The following NR3C2 variants were observed in gnomAD, a reference collection of about 807,000 sequenced individuals.
NR3C2 encodes nuclear receptor subfamily 3 group C member 2.
In NR3C2, 15 loss-of-function variants were observed where a neutral mutation model predicts 86.4. The ratio of observed to expected loss-of-function variants is 0.17; its 90% CI spans 0.12 to 0.27. The LOEUF is 0.27. NR3C2 is among the 10% of genes least tolerant of loss of function. The pLI, the probability that NR3C2 is intolerant of heterozygous loss-of-function variation, is 1.00. For missense variants in NR3C2, 960 were observed against 1,195.6 expected, an observed-to-expected ratio of 0.80 and a Z score of 2.91; for synonymous variants, 458 against 450.5, an observed-to-expected ratio of 1.02 and a Z score of -0.21.
intron 2 of NR3C2, among the ~76,000 whole-genome samples, chr4:148,319,712 T>A (rs1743447189): frequency 6.6e-6 from 1 of 151,136 alleles, no homozygotes; most frequent in South Asian, 2.1e-4. Flanking sequence ...GCTTGTGATT[T>A]TTGTACATTG....
chr4:148,101,378 T>G (rs968040930), intron 8 of NR3C2, among the ~76,000 whole-genome samples: 3 of 152,270 alleles, frequency 2.0e-5, no homozygotes, highest in African/African-American at 7.2e-5. Context: ...TTGCATTAAG[T>G]CAGCCACGAA....
At position 148,154,349 on chromosome 4, in the gene NR3C2, C is replaced by A. The variant is rs62332227; in HGVS notation, c.2365+202G>T. On this transcript the variant is annotated intron_variant, in intron 5 of 8. Transcript: ENST00000358102. ...GTATCTGTCATTTTAACAATAAAAT[C>A]CTTAACCCTGCATTCTCGGAAGAAA... is the stretch of plus-strand genomic sequence containing the variant. Among the ~76,000 whole-genome samples, 5,875 of 152,282 alleles carry A rather than the reference C, an allele frequency of 0.039. 187 individuals carry two copies. The highest frequency in any genetic ancestry group is 0.054 in the Non-Finnish European group (3,701 of 68,018).
At chr4:148,368,624 C>T (rs75438730) in intron 2 of NR3C2, among the ~76,000 whole-genome samples, 148 of 152,116 alleles carry the variant, frequency 9.7e-4, no homozygotes, top group African/African-American at 3.4e-3. Context: ...TGGAACTTTA[C>T]ATCAATATAT....
intron 4 of NR3C2, among the ~76,000 whole-genome samples, chr4:148,172,135 G>T (rs1426769628): frequency 2.6e-5 from 4 of 151,354 alleles, no homozygotes; most frequent in South Asian, 2.1e-4. Context: ...TTGTCTCGGG[G>T]GCTTATTTGT....
chr4:148,139,918 T>C (rs1226200827), intron 6 of NR3C2, among the ~76,000 whole-genome samples: 1 of 152,226 alleles, frequency 6.6e-6, no homozygotes, highest in African/African-American at 2.4e-5. Flanking sequence ...ATCTCTCATG[T>C]GATACAATAA....
intron 4 of NR3C2, among the ~76,000 whole-genome samples, chr4:148,160,331 T>A (rs967120543): frequency 6.6e-6 from 1 of 152,178 alleles, no homozygotes. Context: ...AGATTTCTAA[T>A]GAGATCTCAA....
At chr4:148,334,085 A>G (rs2149972250) in intron 2 of NR3C2, among the ~76,000 whole-genome samples, 1 of 152,364 alleles carries the variant, frequency 6.6e-6, no homozygotes, top group South Asian at 2.1e-4. Context: ...ACCAGATGTC[A>G]TGAAGTACCG....
intron 1 of NR3C2, among the ~76,000 whole-genome samples, chr4:148,439,286 G>A (rs1006346923): frequency 1.3e-5 from 2 of 152,050 alleles, no homozygotes; most frequent in African/African-American, 4.8e-5. Flanking sequence ...TTACTATATA[G>A]CTAAGGTATA....
chr4:148,426,124 A>C (rs1749516816), intron 2 of NR3C2, among the ~76,000 whole-genome samples: 1 of 152,124 alleles, frequency 6.6e-6, no homozygotes, highest in Non-Finnish European at 1.5e-5. Context: ...CATCTCCTCC[A>C]TTTAACCACT....
intron 3 of NR3C2, among the ~76,000 whole-genome samples, chr4:148,217,647 C>G (rs1311239219): frequency 6.6e-6 from 1 of 152,142 alleles, no homozygotes; most frequent in Non-Finnish European, 1.5e-5. Context: ...TCTTTTGACC[C>G]CAGTTGATGT....
At chr4:148,390,725 A>T (rs575399970) in intron 2 of NR3C2, among the ~76,000 whole-genome samples, 14 of 152,328 alleles carry the variant, frequency 9.2e-5, no homozygotes, top group Admixed American at 8.5e-4. Flanking sequence ...TTAAATACAG[A>T]GGAAACCACT....
intron 2 of NR3C2, among the ~76,000 whole-genome samples, chr4:148,292,051 T>C (rs78970275): frequency 6.6e-6 from 1 of 152,248 alleles, no homozygotes; most frequent in Non-Finnish European, 1.5e-5. Context: ...TGTATATTAC[T>C]TTTGCACCAT....
At chr4:148,317,845 G>C (rs1291503988) in intron 2 of NR3C2, among the ~76,000 whole-genome samples, 2 of 150,928 alleles carry the variant, frequency 1.3e-5, no homozygotes, top group Non-Finnish European at 3.0e-5. Context: ...CTTAAATTTT[G>C]AATATGTGTT....
At chr4:148,104,621 A>C (rs1290690064) in intron 8 of NR3C2, among the ~76,000 whole-genome samples, 1 of 152,154 alleles carries the variant, frequency 6.6e-6, no homozygotes, top group Non-Finnish European at 1.5e-5. Flanking sequence ...TGGGTACTTT[A>C]TTACAGACAT....
At chr4:148,301,470 T>C (rs1742333369) in intron 2 of NR3C2, among the ~76,000 whole-genome samples, 1 of 152,234 alleles carries the variant, frequency 6.6e-6, no homozygotes, top group Non-Finnish European at 1.5e-5. Flanking sequence ...ATGGAAGGAT[T>C]GTAAACGTTA....
At chr4:148,086,580 A>G (rs892129036) in intron 8 of NR3C2, among the ~76,000 whole-genome samples, 11 of 152,114 alleles carry the variant, frequency 7.2e-5, no homozygotes, top group Non-Finnish European at 1.6e-4. Flanking sequence ...ACTTAAAAAA[A>G]TAAATAAATA....
intron 2 of NR3C2, among the ~76,000 whole-genome samples, chr4:148,305,202 T>C (rs1236304091): frequency 6.6e-6 from 1 of 152,202 alleles, no homozygotes; most frequent in Non-Finnish European, 1.5e-5. Context: ...ATTTTTCATC[T>C]AATAAATTCT....
chr4:148,443,909 C>A (rs1415282885), upstream of NR3C2: 3 of 801,882 alleles, frequency 3.7e-6, no homozygotes, highest in Non-Finnish European at 4.5e-6. Context: ...CAGTCAGGAA[C>A]TCCCTGGAGA....
chr4:148,324,234 G>A (rs1406183134), intron 2 of NR3C2, among the ~76,000 whole-genome samples: 2 of 152,122 alleles, frequency 1.3e-5, no homozygotes, highest in Non-Finnish European at 2.9e-5. Context: ...GTCTTTCTGT[G>A]TCTGGCTTAT....
Sources: allele counts gnomAD v4.1 joint callset (sites outside exome capture counted in the v4.1 genomes callset), GRCh38; gene constraint gnomAD v4.1.1; transcripts MANE v1.5; gene names NCBI Gene and HGNC (gene_info 2026-07-23, HGNC 2026-07-21).